GPC5: variants seen among roughly 807,000 people sequenced by gnomAD.
GPC5 encodes glypican 5, also known as glypican-5.
GPC5 carries 47 observed loss-of-function variants against 53.9 expected under a neutral mutation model. The ratio of observed to expected loss-of-function variants is 0.87; its 90% CI spans 0.69 to 1.11. The LOEUF (loss-of-function observed/expected upper bound fraction) is 1.11. Among genes scored for constraint, GPC5 ranks in the 50% most tolerant of loss-of-function variants. The pLI is 0.00. For synonymous variants in GPC5, 286 were observed against 263.3 expected (o/e 1.09, Z -0.84); for missense variants, 748 against 713.1 (o/e 1.05, Z -0.56).
intron 5 of GPC5, among the ~76,000 whole-genome samples, chr13:91,791,452 G>A (rs1036656323): frequency 2.0e-5 from 3 of 152,148 alleles, no homozygotes; most frequent in Non-Finnish European, 4.4e-5. Context: ...CTACCTAGAA[G>A]CCAGCTTGTA....
chr13:91,434,926 G>A (rs1056628595), intron 1 of GPC5, among the ~76,000 whole-genome samples: 8 of 152,186 alleles, frequency 5.3e-5, no homozygotes, highest in African/African-American at 1.7e-4. Context: ...TGGATTCCTA[G>A]GTATTTTATT....
chr13:92,791,295 G>T (rs867131083), intron 7 of GPC5, among the ~76,000 whole-genome samples: 1 of 151,910 alleles, frequency 6.6e-6, no homozygotes, highest in Non-Finnish European at 1.5e-5. Context: ...ATTTAGCTGG[G>T]TCAAGGAAAT....
At chr13:91,433,071 A>C (rs7324710) in intron 1 of GPC5, among the ~76,000 whole-genome samples, 25 of 152,044 alleles carry the variant, frequency 1.6e-4, no homozygotes, top group Non-Finnish European at 3.7e-4. Context: ...ATAGTCTTGG[A>C]AGAGAAGTAA....
chr13:91,703,224 G>A (rs2139865461), intron 3 of GPC5, among the ~76,000 whole-genome samples: 1 of 152,042 alleles, frequency 6.6e-6, no homozygotes, highest in Non-Finnish European at 1.5e-5. Context: ...GAATAGAAGT[G>A]GCAAGAGTGG....
intron 1 of GPC5, among the ~76,000 whole-genome samples, chr13:91,425,215 C>A (rs1207027700): frequency 6.6e-6 from 1 of 152,118 alleles, no homozygotes; most frequent in Non-Finnish European, 1.5e-5. Flanking sequence ...AGACATGTAA[C>A]CAATTTCAAA....
At position 91,779,520 on chromosome 13, in the gene GPC5, C is replaced by T. The variant is rs144832599; in HGVS notation, c.1280+23100C>T. Among the ~76,000 whole-genome samples the T allele has an allele frequency of 3.4e-3, 510 of 152,202 alleles. 11 individuals carry two copies. The highest frequency in any genetic ancestry group is 0.012 in the African/African-American group (480 of 41,538). Reference sequence around the variant, plus strand: ...GGATAATAGGCACATACCACCACAACGAGCTAATGTTTGTATTTTTTGTAG... The same window carrying T: ...GGATAATAGGCACATACCACCACAATGAGCTAATGTTTGTATTTTTTGTAG... On this transcript the variant is annotated intron_variant, in intron 5 of 7. Coordinates refer to ENST00000377067, the MANE Select transcript of GPC5 (RefSeq NM_004466.6).
chr13:92,161,474 A>C (rs2041987481), intron 7 of GPC5, among the ~76,000 whole-genome samples: 1 of 152,184 alleles, frequency 6.6e-6, no homozygotes, highest in Non-Finnish European at 1.5e-5. Flanking sequence ...TGAATTGAAA[A>C]TATTGACATT....
chr13:92,270,130 G>T (rs1352347358), intron 7 of GPC5, among the ~76,000 whole-genome samples: 1 of 152,154 alleles, frequency 6.6e-6, no homozygotes, highest in Admixed American at 6.5e-5. Context: ...TAGGGATCAT[G>T]ATGGGAATTT....
intron 2 of GPC5, among the ~76,000 whole-genome samples, chr13:91,666,032 A>G (rs2035103997): frequency 6.6e-6 from 1 of 152,204 alleles, no homozygotes; most frequent in Admixed American, 6.5e-5. Context: ...GATGCTCACT[A>G]CTTTTTCAAA....
chr13:92,540,877 G>A (rs557823829), intron 7 of GPC5, among the ~76,000 whole-genome samples: 1 of 151,952 alleles, frequency 6.6e-6, no homozygotes, highest in South Asian at 2.1e-4. Context: ...GAACACTAAT[G>A]TCCAAGAAGA....
intron 6 of GPC5, among the ~76,000 whole-genome samples, chr13:92,133,687 TAAATG>T (rs2041762488): frequency 6.6e-6 from 1 of 152,136 alleles, no homozygotes; most frequent in African/African-American, 2.4e-5. Context: ...CTCATGGAGA[TAAATG>T]GTTAAAAGAC....
intron 7 of GPC5, among the ~76,000 whole-genome samples, chr13:92,201,466 A>C (rs1266581131): frequency 6.6e-6 from 1 of 151,852 alleles, no homozygotes. Context: ...CAGCATGAAA[A>C]CAAAAAAATA....
chr13:91,857,389 T>C (rs1258140673), intron 5 of GPC5, among the ~76,000 whole-genome samples: 1 of 151,532 alleles, frequency 6.6e-6, no homozygotes, highest in Admixed American at 6.6e-5. Flanking sequence ...ATGTAATTTT[T>C]CTCAGAAATG....
chr13:92,367,907 T>C (rs913081816), intron 7 of GPC5, among the ~76,000 whole-genome samples: 1 of 152,084 alleles, frequency 6.6e-6, no homozygotes, highest in Admixed American at 6.5e-5. Context: ...TCTTCTGAAG[T>C]TGATCAGTTA....
intron 7 of GPC5, among the ~76,000 whole-genome samples, chr13:92,632,884 G>A (rs1047451898): frequency 1.3e-5 from 2 of 151,802 alleles, no homozygotes; most frequent in Non-Finnish European, 2.9e-5. Flanking sequence ...CCATTTTTTT[G>A]TTTGTTTGTT....
chr13:92,109,672 G>C (rs1356800546), intron 6 of GPC5, among the ~76,000 whole-genome samples: 15 of 152,206 alleles, frequency 9.9e-5, no homozygotes, highest in Admixed American at 8.5e-4. Context: ...CTTAAATTTT[G>C]TATATGTCTT....
intron 6 of GPC5, among the ~76,000 whole-genome samples, chr13:91,938,226 G>A (rs959887312): frequency 2.6e-5 from 4 of 151,968 alleles, no homozygotes; most frequent in Non-Finnish European, 5.9e-5. Flanking sequence ...CTCCACTGCT[G>A]GTAAAGCCTT....
At chr13:91,719,473 C>T (rs2036418306) in intron 3 of GPC5, among the ~76,000 whole-genome samples, 2 of 152,214 alleles carry the variant, frequency 1.3e-5, no homozygotes, top group African/African-American at 4.8e-5. Flanking sequence ...AAATCCAACA[C>T]CAATACCTGC....
chr13:92,669,677 A>T (rs75062330), intron 7 of GPC5, among the ~76,000 whole-genome samples: 33,590 of 152,040 alleles, frequency 0.22, 4,351 homozygotes, highest in South Asian at 0.36. Context: ...TCTGCTACCC[A>T]GGCATTTGTC....
Sources: gnomAD v4.1 joint callset for allele counts (sites outside exome capture counted in the v4.1 genomes callset) on GRCh38, gnomAD v4.1.1 for gene constraint, MANE v1.5 for transcripts, NCBI Gene and HGNC (gene_info 2026-07-23, HGNC 2026-07-21) for gene names.